The following CTSS variants were observed in gnomAD, a reference collection of about 807,000 sequenced individuals.
The protein encoded by CTSS is cathepsin S.
CTSS carries 15 observed loss-of-function variants against 39.9 expected under a neutral mutation model. That is an observed-to-expected ratio of 0.38 (90% CI 0.25 to 0.58). CTSS has a LOEUF of 0.58. Among genes scored for constraint, CTSS ranks in the 20% least tolerant of loss-of-function variants. The pLI is 0.70. For synonymous variants in CTSS, 126 were observed against 138.2 expected (o/e 0.91, Z 0.62); for missense variants, 250 against 398.2 (o/e 0.63, Z 3.17).
intron 2 of CTSS, 72 bp from the exon 3 acceptor site, chr1:150,758,052 AATT>A: frequency 6.8e-7 from 1 of 1,477,782 alleles, no homozygotes; most frequent in Non-Finnish European, 9.1e-7. Flanking sequence ...TGAAAATGGC[AATT>A]TTTTTTTTTT....
Position 150,751,783 on chromosome 1 carries a change from T to C in CTSS, c.625A>G (p.Met209Val). ...CAAAAAGTTTGCTTAAGACGCACCA[T>C]GGCTTTGTAGGGATAGGAAGCGTCT... ...DSDASYPYKA[M>V]DQKCQYDSKY... The change falls in exon 5 of 8, where the codon ATG becomes GTG. Residue 209 changes from methionine (M) to valine (V), a missense_variant and splice_region_variant. Transcript: ENST00000368985. 1 of 1,614,110 alleles carries C rather than the reference T, an allele frequency of 6.2e-7. No homozygotes were observed. Among genetic ancestry groups the C allele is most frequent in the Non-Finnish European group, 8.5e-7 (1 of 1,179,948 alleles).
intron 6 of CTSS, among the ~76,000 whole-genome samples, chr1:150,748,583 T>C (rs76783059): frequency 7.1e-6 from 1 of 140,504 alleles, no homozygotes; most frequent in Non-Finnish European, 1.6e-5. Context: ...AGATATTAGC[T>C]TTTTTTTTTT....
Position 150,752,027 on chromosome 1 carries a change from C to A in CTSS, c.400-19G>T. On this transcript the variant is annotated intron_variant, in intron 4 of 7. Transcript: ENST00000368985. ...AAGAACCCTAAAACAGATACAAGGT[C>A]ACAAACGCAAATCACAGAAAATCAT... 6.2e-7 allele frequency: 1 copy of A among 1,610,494 alleles called. No homozygotes were observed. Among genetic ancestry groups the A allele is most frequent in the South Asian group, 1.1e-5 (1 of 90,876 alleles).
chr1:150,765,309 G>C (rs1653352727), intron 1 of CTSS, among the ~76,000 whole-genome samples: 1 of 149,162 alleles, frequency 6.7e-6, no homozygotes, highest in African/African-American at 2.5e-5. Flanking sequence ...TTAATGATCA[G>C]ACATCTGTTT....
At chr1:150,748,714 T>C (rs2101918177) in intron 6 of CTSS, among the ~76,000 whole-genome samples, 1 of 152,294 alleles carries the variant, frequency 6.6e-6, no homozygotes, top group Admixed American at 6.5e-5. Context: ...CCCAAAGCGC[T>C]GGAATTATAG....
chr1:150,732,895 C>A lies in CTSS; in HGVS notation c.*151G>T. The A allele has an allele frequency of 5.4e-6, 3 of 556,124 alleles. No homozygotes were observed. Among genetic ancestry groups the A allele is most frequent in the East Asian group, 6.9e-5 (2 of 29,012 alleles). The allele number at this position is 556,124 out of a possible 1,614,324, so 34.4% of individuals were successfully genotyped here. A position where few individuals can be genotyped will look rare whatever the true frequency, so the allele number is the denominator to read the frequency against. ...AAGTACTGGGATTACAGGCGTGAGC[C>A]ACCGTGCCCGGCCTCAAACTATATT... is the stretch of plus-strand genomic sequence containing the variant. On this transcript the variant is annotated 3_prime_UTR_variant, in exon 8 of 8. Transcript: ENST00000368985.
chr1:150,730,727 C>T lies in CTSS; in HGVS notation c.*2319G>A, dbSNP rs587662531. On this transcript the variant is annotated 3_prime_UTR_variant, in exon 8 of 8. Coordinates refer to ENST00000368985, the MANE Select transcript of CTSS (RefSeq NM_004079.5). ...AATTCTGAACATAGTTCATAAACCA[C>T]GGTAATATTAGCAATACTTCATCAT... The T allele has an allele frequency of 2.0e-5, 3 of 152,282 alleles. No homozygotes were observed. The highest frequency in any genetic ancestry group is 7.2e-5 in the African/African-American group (3 of 41,552). 9.4% of individuals were successfully genotyped at this position (152,282 alleles called of 1,614,324 possible). A position where few individuals can be genotyped will look rare whatever the true frequency, so the allele number is the denominator to read the frequency against.
At position 150,751,802 on chromosome 1, in the gene CTSS, A is replaced by G. The variant is rs1321003271; in HGVS notation, c.606T>C (p.Ala202=). 1.2e-6 allele frequency: 2 copies of G among 1,614,022 alleles called. No individual in the cohort carries two copies. The highest frequency in any genetic ancestry group is 1.3e-5 in the African/African-American group (1 of 74,922). The change falls in exon 5 of 8, where the codon GCT becomes GCC. Residue 202 remains alanine (A), a synonymous_variant. Transcript: ENST00000368985. Reference sequence around the variant, plus strand: ...GCACCATGGCTTTGTAGGGATAGGAAGCGTCTGAGTCGATGCCCTTGTTAT... The same window carrying G: ...GCACCATGGCTTTGTAGGGATAGGAGGCGTCTGAGTCGATGCCCTTGTTAT... The part of the protein sequence containing the change: ...IIDNKGIDSD[A]SYPYKAMDQK...
intron 7 of CTSS, among the ~76,000 whole-genome samples, chr1:150,735,301 C>T (rs1448621753): frequency 1.3e-5 from 2 of 152,130 alleles, no homozygotes; most frequent in Non-Finnish European, 2.9e-5. Flanking sequence ...TATGTATCAG[C>T]CCTCATTGGA....
chr1:150,748,680 C>A (rs1288481067), intron 6 of CTSS, among the ~76,000 whole-genome samples: 2 of 151,652 alleles, frequency 1.3e-5, no homozygotes, highest in African/African-American at 4.8e-5. Context: ...CTCCTAGGCT[C>A]CAGTCATCCT....
intron 2 of CTSS, among the ~76,000 whole-genome samples, chr1:150,764,363 G>A (rs764700585): frequency 4.6e-5 from 7 of 151,924 alleles, no homozygotes; most frequent in African/African-American, 7.3e-5. Context: ...TCAGCCTCCC[G>A]AGTAGCTGGG....
chr1:150,754,871 A>G (rs1653085035), intron 4 of CTSS, 130 bp downstream of exon 4: 3 of 957,954 alleles, frequency 3.1e-6, no homozygotes, highest in East Asian at 5.0e-5. Flanking sequence ...TTAGTTGGGA[A>G]GACAAGAATA....
At chr1:150,739,159 T>C (rs1261982693) in intron 7 of CTSS, among the ~76,000 whole-genome samples, 1 of 152,056 alleles carries the variant, frequency 6.6e-6, no homozygotes, top group African/African-American at 2.4e-5. Flanking sequence ...TGCACCACTG[T>C]ACTCCAGCCT....
At chr1:150,750,236 A>G (rs1236990808) in intron 5 of CTSS, 65 bp from the exon 6 acceptor site, 1 of 1,294,704 alleles carries the variant, frequency 7.7e-7, no homozygotes, top group East Asian at 2.4e-5. Flanking sequence ...CCTGTATCCT[A>G]AGCCTGGATT....
At chr1:150,741,718 T>A (rs1652760940) in intron 7 of CTSS, among the ~76,000 whole-genome samples, 1 of 151,180 alleles carries the variant, frequency 6.6e-6, no homozygotes, top group Non-Finnish European at 1.5e-5. Context: ...CTACTAAAAA[T>A]ACAAAAATTA....
chr1:150,765,467 A>C (rs587598770), intron 1 of CTSS, among the ~76,000 whole-genome samples: 12 of 152,318 alleles, frequency 7.9e-5, no homozygotes, highest in African/African-American at 2.2e-4. Flanking sequence ...AATTTTAAAC[A>C]TGTAAGCCTT....
intron 7 of CTSS, among the ~76,000 whole-genome samples, chr1:150,746,220 A>G (rs1652892944): frequency 6.6e-6 from 1 of 152,124 alleles, no homozygotes; most frequent in South Asian, 2.1e-4. Flanking sequence ...GAACTGGGAG[A>G]CATAAATTTC....
At chr1:150,743,553 A>T (rs1448211732) in intron 7 of CTSS, among the ~76,000 whole-genome samples, 1 of 135,688 alleles carries the variant, frequency 7.4e-6, no homozygotes, top group African/African-American at 2.7e-5. Flanking sequence ...ATATAGAGAG[A>T]TTTATATGTA....
At chr1:150,753,881 C>T (rs1337605729) in intron 4 of CTSS, among the ~76,000 whole-genome samples, 1 of 151,188 alleles carries the variant, frequency 6.6e-6, no homozygotes, top group Non-Finnish European at 1.5e-5. Context: ...GCAGAGGTTG[C>T]AGTGAGCCCA....
Sources: allele counts gnomAD v4.1 joint callset (sites outside exome capture counted in the v4.1 genomes callset), GRCh38; gene constraint gnomAD v4.1.1; transcripts MANE v1.5; gene names NCBI Gene and HGNC (gene_info 2026-07-23, HGNC 2026-07-21).